Variants in VPS41 observed in about 807,000 individuals in gnomAD.
VPS41 encodes vacuolar protein sorting-associated protein 41 homolog.
VPS41 carries 85 observed loss-of-function variants against 130.9 expected under a neutral mutation model. The ratio of observed to expected loss-of-function variants is 0.65; its 90% confidence interval spans 0.55 to 0.78. VPS41 has a LOEUF of 0.78. Ranked by LOEUF, VPS41 falls within the 30% of genes least tolerant of loss-of-function variation. The pLI is 0.00. For synonymous variants in VPS41, 335 were observed against 332.9 expected (o/e 1.01, Z -0.07); for missense variants, 874 against 1,018.7 (o/e 0.86, Z 1.93).
At position 38,758,401 on chromosome 7, in the gene VPS41, CA is replaced by C; in HGVS notation, c.1502del (p.Leu501Ter). The C allele has an allele frequency of 6.2e-7, 1 of 1,613,432 alleles. No homozygotes were observed. The highest frequency in any genetic ancestry group is 8.5e-7 in the Non-Finnish European group (1 of 1,179,684). ...AAGTCTTGTTCTGACTATCTTTCTTCAAATGATCCCGAACTGCTTGAACTAT... is the reference window on the plus strand; with the variant it reads ...AAGTCTTGTTCTGACTATCTTTCTTCAATGATCCCGAACTGCTTGAACTAT... ...SVIVQAVRDHLKKDSQNKTLL... is the reference protein window; with the variant it reads ...SVIVQAVRDHXKKDSQNKTLL... On this transcript the variant is annotated frameshift_variant, in exon 18 of 29. Transcript: ENST00000310301. LOFTEE classifies it high-confidence loss of function.
At chr7:38,770,427 A>ATT (rs534243287) in intron 14 of VPS41, among the ~76,000 whole-genome samples, 17 of 143,998 alleles carry the variant, frequency 1.2e-4, no homozygotes, top group African/African-American at 3.6e-4. Context: ...TTTTGGCTGG[A>ATT]TTTTTTTTTT....
chr7:38,821,430 C>G (rs1033974786), intron 5 of VPS41, among the ~76,000 whole-genome samples, 165 bp from the exon 6 acceptor site: 1 of 152,138 alleles, frequency 6.6e-6, no homozygotes, highest in Admixed American at 6.5e-5. Context: ...CAGCCACGTA[C>G]GGTGGCTCAC....
At chr7:38,754,579 C>A in intron 21 of VPS41, 123 bp downstream of exon 21, 2 of 747,016 alleles carry the variant, frequency 2.7e-6, no homozygotes, top group South Asian at 3.8e-5. Flanking sequence ...TGTGGTGAAA[C>A]CTCCAACTGG....
chr7:38,817,993 G>A, intron 6 of VPS41, 111 bp from the exon 7 acceptor site: 1 of 795,620 alleles, frequency 1.3e-6, no homozygotes, highest in Non-Finnish European at 2.2e-6. Context: ...CTGAAACCTT[G>A]GTAGGAAGTA....
chr7:38,747,676 A>G (rs941994034), intron 22 of VPS41, among the ~76,000 whole-genome samples: 3 of 152,236 alleles, frequency 2.0e-5, no homozygotes, highest in African/African-American at 7.2e-5. Context: ...CACTTGCTCT[A>G]TGTGTCTATT....
intron 2 of VPS41, among the ~76,000 whole-genome samples, chr7:38,872,641 G>A (rs1786395303): frequency 6.6e-6 from 1 of 152,024 alleles, no homozygotes; most frequent in African/African-American, 2.4e-5. Flanking sequence ...TTATCCATAG[G>A]GCCTACACAT....
At chr7:38,860,697 TTG>T (rs59007809) in intron 4 of VPS41, among the ~76,000 whole-genome samples, 28,871 of 143,060 alleles carry the variant, frequency 0.2, 2,810 homozygotes, top group South Asian at 0.32. Context: ...AACAATCTGT[TTG>T]TGTGTGTGTG....
intron 7 of VPS41, among the ~76,000 whole-genome samples, chr7:38,812,142 C>T (rs1221573738): frequency 2.0e-5 from 3 of 152,024 alleles, no homozygotes; most frequent in Non-Finnish European, 4.4e-5. Flanking sequence ...ATCTGCCATC[C>T]CATAACTAAT....
intron 2 of VPS41, among the ~76,000 whole-genome samples, chr7:38,885,861 A>T (rs1786717115): frequency 6.6e-6 from 1 of 152,166 alleles, no homozygotes; most frequent in South Asian, 2.1e-4. Flanking sequence ...AAAAAAGGAA[A>T]ATTTTAGAAC....
intron 5 of VPS41, among the ~76,000 whole-genome samples, chr7:38,825,436 C>G (rs1785252055): frequency 6.6e-6 from 1 of 152,160 alleles, no homozygotes; most frequent in South Asian, 2.1e-4. Flanking sequence ...CAAAACAATT[C>G]TCATTTATTT....
chr7:38,814,758 T>C (rs1311337452), intron 7 of VPS41, among the ~76,000 whole-genome samples: 2 of 152,240 alleles, frequency 1.3e-5, no homozygotes, highest in African/African-American at 2.4e-5. Context: ...ATCTCTGGTA[T>C]GTTCTTTTAT....
chr7:38,810,207 A>C (rs1784915390), intron 7 of VPS41, among the ~76,000 whole-genome samples: 1 of 151,850 alleles, frequency 6.6e-6, no homozygotes, highest in African/African-American at 2.4e-5. Flanking sequence ...TTCAACTACT[A>C]AGAAGATACC....
intron 21 of VPS41, among the ~76,000 whole-genome samples, chr7:38,753,897 C>T (rs971742116): frequency 6.6e-6 from 1 of 152,180 alleles, no homozygotes; most frequent in East Asian, 1.9e-4. Flanking sequence ...AAAAAATGCT[C>T]TATTCCCTAA....
chr7:38,897,550 C>G (rs1312475301), intron 2 of VPS41, among the ~76,000 whole-genome samples: 2 of 150,370 alleles, frequency 1.3e-5, no homozygotes, highest in African/African-American at 2.5e-5. Context: ...GAGGCTGAGG[C>G]AGGAGAATGG....
At chr7:38,753,729 T>C (rs73125633) in intron 21 of VPS41, among the ~76,000 whole-genome samples, 9,601 of 152,054 alleles carry the variant, frequency 0.063, 326 homozygotes, top group Middle Eastern at 0.082. Context: ...ATTCCTAAGG[T>C]GGTTAGCAAT....
chr7:38,736,296 G>C (rs1470065437), intron 25 of VPS41, among the ~76,000 whole-genome samples: 1 of 152,234 alleles, frequency 6.6e-6, no homozygotes, highest in African/African-American at 2.4e-5. Context: ...CTTCCCAAGA[G>C]AGTCTCATTC....
intron 7 of VPS41, among the ~76,000 whole-genome samples, chr7:38,813,644 T>C (rs1784986266): frequency 6.6e-6 from 1 of 152,162 alleles, no homozygotes; most frequent in South Asian, 2.1e-4. Flanking sequence ...TACATGTGCT[T>C]TTCTCATGCC....
intron 4 of VPS41, among the ~76,000 whole-genome samples, chr7:38,844,487 T>C (rs992270960): frequency 6.6e-6 from 1 of 152,174 alleles, no homozygotes; most frequent in South Asian, 2.1e-4. Context: ...TATTAGAATA[T>C]AAACGTCCTT....
chr7:38,907,768 T>TA (rs1442844918), intron 1 of VPS41, among the ~76,000 whole-genome samples: 1 of 152,234 alleles, frequency 6.6e-6, no homozygotes, highest in Non-Finnish European at 1.5e-5. Flanking sequence ...TCTATTCCAC[T>TA]ATATCTAAGA....
Sources: gnomAD v4.1 joint callset for allele counts (sites outside exome capture counted in the v4.1 genomes callset) on GRCh38, gnomAD v4.1.1 for gene constraint, MANE v1.5 for transcripts, NCBI Gene and HGNC (gene_info 2026-07-23, HGNC 2026-07-21) for gene names.